Variants in ANKS1B observed in about 807,000 individuals in gnomAD.
The protein encoded by ANKS1B is ankyrin repeat and sterile alpha motif domain containing 1B, also known as ankyrin repeat and sterile alpha motif domain-containing protein 1B.
Under a neutral mutation model 148.3 loss-of-function variants are expected in ANKS1B, and 36 were observed. The ratio of observed to expected loss-of-function variants is 0.24; its 90% confidence interval spans 0.19 to 0.32. ANKS1B has a LOEUF of 0.32. ANKS1B is among the 10% of genes least tolerant of loss of function. The pLI, the probability that ANKS1B is intolerant of heterozygous loss-of-function variation, is 1.00. For synonymous variants in ANKS1B, 542 were observed against 560.8 expected, an observed-to-expected ratio of 0.97 and a Z score of 0.47; for missense variants, 1,157 against 1,542.6, an observed-to-expected ratio of 0.75 and a Z score of 4.19.
intron 12 of ANKS1B, among the ~76,000 whole-genome samples, chr12:99,331,068 C>T (rs2087445658): frequency 6.6e-6 from 1 of 151,960 alleles, no homozygotes; most frequent in Admixed American, 6.6e-5. Flanking sequence ...TTTGTAATCA[C>T]TTGCATCCAA....
intron 8 of ANKS1B, among the ~76,000 whole-genome samples, chr12:99,665,869 T>C (rs2098504252): frequency 1.3e-5 from 2 of 152,154 alleles, no homozygotes; most frequent in Non-Finnish European, 2.9e-5. Flanking sequence ...TGTTGGTGAA[T>C]ATATAAGAAA....
chr12:99,273,783 C>T (rs1490135863), intron 12 of ANKS1B, among the ~76,000 whole-genome samples: 3 of 151,816 alleles, frequency 2.0e-5, no homozygotes, highest in Non-Finnish European at 4.4e-5. Flanking sequence ...GACGGAGTTT[C>T]ACCATCTTGG....
intron 9 of ANKS1B, among the ~76,000 whole-genome samples, chr12:98,737,922 T>C (rs994305747): frequency 6.6e-6 from 1 of 152,252 alleles, no homozygotes; most frequent in African/African-American, 2.4e-5. Context: ...AATGATTTTC[T>C]AATAATTCTT....
chr12:99,537,284 G>A (rs552266115), intron 9 of ANKS1B, among the ~76,000 whole-genome samples: 26 of 152,168 alleles, frequency 1.7e-4, no homozygotes, highest in South Asian at 6.2e-4. Context: ...ATCCAGCAGT[G>A]GGATCGCTGG....
At chr12:99,975,981 T>C (rs1212168451) in intron 1 of ANKS1B, among the ~76,000 whole-genome samples, 1 of 152,042 alleles carries the variant, frequency 6.6e-6, no homozygotes, top group African/African-American at 2.4e-5. Context: ...GACAAGAAAA[T>C]GTGGTACATA....
At chr12:99,427,354 TG>T in intron 11 of ANKS1B, among the ~76,000 whole-genome samples, 1 of 152,302 alleles carries the variant, frequency 6.6e-6, no homozygotes, top group South Asian at 2.1e-4. Context: ...GCCTTCTGTC[TG>T]TTCCTCTGCT....
intron 8 of ANKS1B, among the ~76,000 whole-genome samples, chr12:99,753,208 C>T (rs558976537): frequency 5.9e-4 from 89 of 152,040 alleles, no homozygotes; most frequent in Non-Finnish European, 9.1e-4. Flanking sequence ...AAGGAGGTTT[C>T]TATATAAAGA....
chr12:99,981,669 A>G (rs2095704199), intron 1 of ANKS1B, among the ~76,000 whole-genome samples: 1 of 152,110 alleles, frequency 6.6e-6, no homozygotes, highest in Non-Finnish European at 1.5e-5. Flanking sequence ...TAATTAAGTG[A>G]CCATGGGCAA....
At chr12:99,325,045 T>G (rs1467558946) in intron 12 of ANKS1B, among the ~76,000 whole-genome samples, 1 of 152,164 alleles carries the variant, frequency 6.6e-6, no homozygotes, top group African/African-American at 2.4e-5. Context: ...ATGTACCACA[T>G]AATGATATTT....
intron 17 of ANKS1B, among the ~76,000 whole-genome samples, chr12:98,884,026 T>C (rs2099726120): frequency 6.6e-6 from 1 of 152,204 alleles, no homozygotes; most frequent in Non-Finnish European, 1.5e-5. Flanking sequence ...AATGAAGATG[T>C]ATACGTAGAT....
At chr12:99,289,090 T>C (rs1294300222) in intron 12 of ANKS1B, among the ~76,000 whole-genome samples, 1 of 151,538 alleles carries the variant, frequency 6.6e-6, no homozygotes, top group African/African-American at 2.4e-5. Flanking sequence ...TTCATGCAAA[T>C]GAAAGCCAAA....
At chr12:99,457,651 T>A (rs1342120468) in intron 10 of ANKS1B, among the ~76,000 whole-genome samples, 1 of 152,032 alleles carries the variant, frequency 6.6e-6, no homozygotes, top group Non-Finnish European at 1.5e-5. Flanking sequence ...CAAAACAAAC[T>A]TTAAAGCAGC....
In ANKS1B at chr12:99,184,621, A is replaced by G. The variant is rs182882126; in HGVS notation, c.2420-30226T>C. Reference sequence around the variant, plus strand: ...TCATTAGGAGAAAACACCTATAGATAGCATAGTATGTTGTTAATTTTTGGA... The same window carrying G: ...TCATTAGGAGAAAACACCTATAGATGGCATAGTATGTTGTTAATTTTTGGA... On this transcript the variant is annotated intron_variant, in intron 14 of 26. Coordinates refer to ENST00000683438, the MANE Select transcript of ANKS1B (RefSeq NM_001352186.2). Among the ~76,000 whole-genome samples, 17 of 152,380 alleles carry G rather than the reference A, an allele frequency of 1.1e-4. No homozygotes were observed. In the South Asian group the frequency reaches 2.9e-3, roughly 26 times the overall value.
At chr12:99,955,177 C>T (rs775137624) in intron 1 of ANKS1B, among the ~76,000 whole-genome samples, 20 of 152,096 alleles carry the variant, frequency 1.3e-4, no homozygotes, top group Non-Finnish European at 2.2e-4. Flanking sequence ...AGTCTTTGCA[C>T]GGTCTGGCCT....
chr12:99,453,146 CA>C (rs1490529827), intron 10 of ANKS1B, among the ~76,000 whole-genome samples: 1 of 151,952 alleles, frequency 6.6e-6, no homozygotes, highest in Non-Finnish European at 1.5e-5. Flanking sequence ...AAAAATTAGC[CA>C]GGCGTGGTGG....
intron 1 of ANKS1B, among the ~76,000 whole-genome samples, chr12:99,885,394 G>C (rs1029753573): frequency 6.8e-6 from 1 of 147,240 alleles, no homozygotes; most frequent in Non-Finnish European, 1.5e-5. Context: ...TCTGCCTCCC[G>C]GGTTCCTGCC....
intron 8 of ANKS1B, among the ~76,000 whole-genome samples, chr12:99,685,527 C>T (rs941913940): frequency 6.6e-6 from 1 of 152,068 alleles, no homozygotes; most frequent in African/African-American, 2.4e-5. Flanking sequence ...GTGGAAAGTC[C>T]TTAAAGAACT....
intron 12 of ANKS1B, among the ~76,000 whole-genome samples, chr12:99,256,514 C>A (rs1308120175): frequency 6.6e-6 from 1 of 152,086 alleles, no homozygotes; most frequent in Admixed American, 6.5e-5. Context: ...GGCCTGAGAT[C>A]ATTTTCCTTC....
At chr12:99,680,518 G>T (rs940664326) in intron 8 of ANKS1B, among the ~76,000 whole-genome samples, 1 of 152,162 alleles carries the variant, frequency 6.6e-6, no homozygotes, top group Non-Finnish European at 1.5e-5. Flanking sequence ...ATCTCACAGG[G>T]GTCTGTGGGA....
Sources: gnomAD v4.1 joint callset for allele counts (sites outside exome capture counted in the v4.1 genomes callset) on GRCh38, gnomAD v4.1.1 for gene constraint, MANE v1.5 for transcripts, NCBI Gene and HGNC (gene_info 2026-07-23, HGNC 2026-07-21) for gene names.